Variants in POLE2 observed in about 807,000 individuals in gnomAD.
The protein encoded by POLE2 is DNA polymerase epsilon 2, accessory subunit.
Under a neutral mutation model 79.4 loss-of-function variants are expected in POLE2, and 56 were observed. That is an observed-to-expected ratio of 0.71 (90% CI 0.57 to 0.88). POLE2 has a LOEUF of 0.88. Among genes scored for constraint, POLE2 ranks in the 40% least tolerant of loss-of-function variants. POLE2 has a pLI of 0.00. For missense variants in POLE2, 598 were observed against 638.9 expected (o/e 0.94, Z 0.69); for synonymous variants, 212 against 214.0 (o/e 0.99, Z 0.08).
intron 5 of POLE2, among the ~76,000 whole-genome samples, chr14:49,671,274 G>A (rs999343438): frequency 6.6e-6 from 1 of 152,154 alleles, no homozygotes; most frequent in African/African-American, 2.4e-5. Flanking sequence ...TGATCACAGG[G>A]ATAAGCACCT....
chr14:49,650,080 A>G (rs1884095147), intron 17 of POLE2, 185 bp downstream of exon 17: 1 of 354,274 alleles, frequency 2.8e-6, no homozygotes, highest in Admixed American at 4.7e-5. Context: ...CTTTATAGTC[A>G]CTATACTGAA....
At chr14:49,663,144 T>G (rs1238820106) in intron 10 of POLE2, among the ~76,000 whole-genome samples, 171 bp downstream of exon 10, 1 of 152,208 alleles carries the variant, frequency 6.6e-6, no homozygotes, top group Non-Finnish European at 1.5e-5. Context: ...AATCTGCTAG[T>G]TTTCACATTA....
rs539661797 is a variant in POLE2, at chr14:49,662,044, G to C, written c.755+1271C>G. ...ACAAAACAAAAATACCATGACAATG[G>C]CAATTTTGCTCTAAATATATTCCAA... On this transcript the variant is annotated intron_variant, in intron 10 of 18. Coordinates refer to ENST00000216367, the MANE Select transcript of POLE2 (RefSeq NM_002692.4). 1.1e-4 allele frequency among the ~76,000 whole-genome samples: 16 copies of C among 152,228 alleles called. No homozygotes were observed. The South Asian group carries it at 3.1e-3, about 30-fold the overall frequency.
intron 3 of POLE2, among the ~76,000 whole-genome samples, chr14:49,674,712 A>G (rs1184534182): frequency 1.3e-5 from 2 of 152,064 alleles, no homozygotes; most frequent in African/African-American, 2.4e-5. Context: ...GATCACAGGC[A>G]TGCACCACCA....
chr14:49,647,284 C>T lies in POLE2; in HGVS notation c.1565+9G>A, dbSNP rs748431207. ...AGATCTTTCTTGCTGTGTCTGTGCACACACTTACCTATCTTCTACTGTCTT... is the reference window on the plus strand; with the variant it reads ...AGATCTTTCTTGCTGTGTCTGTGCATACACTTACCTATCTTCTACTGTCTT... On this transcript the variant is annotated intron_variant, in intron 18 of 18. Coordinates refer to ENST00000216367, the MANE Select transcript of POLE2 (RefSeq NM_002692.4). 2 of 1,407,678 alleles carry T rather than the reference C, an allele frequency of 1.4e-6. No homozygotes were observed. The highest frequency in any genetic ancestry group is 2.0e-6 in the Non-Finnish European group (2 of 1,018,022). The allele number at this position is 1,407,678 out of a possible 1,614,324, so 87.2% of individuals were successfully genotyped here. A position where few individuals can be genotyped will look rare whatever the true frequency, so the allele number is the denominator to read the frequency against.
intron 10 of POLE2, among the ~76,000 whole-genome samples, chr14:49,661,185 C>T (rs904604903): frequency 1.3e-5 from 2 of 151,592 alleles, no homozygotes; most frequent in South Asian, 2.1e-4. Context: ...CCTCCCAAAT[C>T]GACACTTCTT....
chr14:49,681,637 G>A (rs1052022449), intron 2 of POLE2, among the ~76,000 whole-genome samples: 2 of 152,062 alleles, frequency 1.3e-5, no homozygotes, highest in Non-Finnish European at 2.9e-5. Flanking sequence ...AGCCTGGTGT[G>A]GTGGCACGCA....
At chr14:49,669,842 C>G (rs537677704) in intron 5 of POLE2, among the ~76,000 whole-genome samples, 1 of 152,110 alleles carries the variant, frequency 6.6e-6, no homozygotes, top group East Asian at 1.9e-4. Context: ...ACATTGTAGG[C>G]TGAGGATATG....
chr14:49,662,172 A>T (rs1885142883), intron 10 of POLE2, among the ~76,000 whole-genome samples: 1 of 152,248 alleles, frequency 6.6e-6, no homozygotes, highest in South Asian at 2.1e-4. Flanking sequence ...TAGCAAGATC[A>T]GCACCTTTCC....
At chr14:49,686,544 C>T (rs1384534896) in intron 1 of POLE2, among the ~76,000 whole-genome samples, 1 of 152,198 alleles carries the variant, frequency 6.6e-6, no homozygotes, top group African/African-American at 2.4e-5. Flanking sequence ...AACTAAGCCA[C>T]ACCTGAATTC....
intron 8 of POLE2, 52 bp from the exon 9 acceptor site, chr14:49,664,726 A>G (rs775219860): frequency 1.3e-4 from 152 of 1,158,730 alleles, no homozygotes; most frequent in Non-Finnish European, 1.9e-4. Flanking sequence ...TAATAAAGTC[A>G]ACATACATTT....
Position 49,654,023 on chromosome 14 carries a change from A to G in POLE2, c.1178T>C (p.Val393Ala), listed in dbSNP as rs1181280025. The G allele has an allele frequency of 5.0e-6, 8 of 1,596,506 alleles. No individual in the cohort carries two copies. Among genetic ancestry groups the G allele is most frequent in the Non-Finnish European group, 6.9e-6 (8 of 1,164,758 alleles). Reference sequence around the variant, plus strand: ...ATTAGTAGTAAAAACTGAAAATGGTACCCTTTGTCTGAATTCATTAGTGAT... The same window carrying G: ...ATTAGTAGTAAAAACTGAAAATGGTGCCCTTTGTCTGAATTCATTAGTGAT... The part of the protein sequence containing the change: ...ESITNEFRQR[V>A]PFSVFTTNPC... Residue 393 changes from valine to alanine, a missense_variant, in exon 15 of 19, where the codon GTA becomes GCA. By Grantham distance (64) the Val-to-Ala change is moderately conservative. Transcript: ENST00000216367.
Position 49,674,115 on chromosome 14 carries a change from A to G in POLE2, c.417+8T>C. On this transcript the variant is annotated splice_region_variant and intron_variant, in intron 5 of 18. Transcript: ENST00000216367. ...AGTATCCTCCCCTCCGCCCCCTACC[A>G]AACTTACCTGGTGCAAAATGGTATA... is the stretch of plus-strand genomic sequence containing the variant. 6.4e-7 allele frequency: 1 copy of G among 1,569,652 alleles called. No individual in the cohort carries two copies. Among genetic ancestry groups the G allele is most frequent in the Non-Finnish European group, 8.8e-7 (1 of 1,139,598 alleles).
chr14:49,656,344 A>G (rs1884674369), intron 10 of POLE2, among the ~76,000 whole-genome samples: 2 of 145,330 alleles, frequency 1.4e-5, no homozygotes, highest in African/African-American at 2.6e-5. Flanking sequence ...CGACAGTGAG[A>G]CTCTTGTCTC....
At chr14:49,669,428 G>C in intron 6 of POLE2, 96 bp downstream of exon 6, 1 of 717,720 alleles carries the variant, frequency 1.4e-6, no homozygotes, top group Non-Finnish European at 2.5e-6. Flanking sequence ...GTTACCAATA[G>C]TTTATTTTCA....
At chr14:49,646,119 GCCT>G (rs1350902398) in intron 18 of POLE2, among the ~76,000 whole-genome samples, 2 of 151,902 alleles carry the variant, frequency 1.3e-5, no homozygotes, top group South Asian at 2.1e-4. Flanking sequence ...ACAGCGTCTG[GCCT>G]CCTTTTTAAT....
intron 16 of POLE2, 84 bp downstream of exon 16, chr14:49,651,185 C>A (rs1884197822): frequency 4.7e-6 from 3 of 636,096 alleles, no homozygotes; most frequent in Admixed American, 2.7e-5. Flanking sequence ...TGTCCTAACC[C>A]AAGGACAAAT....
chr14:49,653,823 CT>C, intron 15 of POLE2, 166 bp downstream of exon 15: 1 of 528,692 alleles, frequency 1.9e-6, no homozygotes, highest in Non-Finnish European at 3.4e-6. Flanking sequence ...AATTTTTGTA[CT>C]TTTTGTAGAG....
chr14:49,682,037 C>G (rs1053784287), intron 2 of POLE2, among the ~76,000 whole-genome samples: 2 of 144,464 alleles, frequency 1.4e-5, no homozygotes, highest in African/African-American at 2.6e-5. Context: ...CGGAATCTCA[C>G]TCTGTCACCC....
Sources: allele counts gnomAD v4.1 joint callset (sites outside exome capture counted in the v4.1 genomes callset), GRCh38; gene constraint gnomAD v4.1.1; transcripts MANE v1.5; gene names NCBI Gene and HGNC (gene_info 2026-07-23, HGNC 2026-07-21).